The following GLRA2 variants were observed in gnomAD, a reference collection of about 807,000 sequenced individuals.
GLRA2 encodes glycine receptor alpha 2.
In GLRA2, 11 loss-of-function variants were observed where a neutral mutation model predicts 31.6. That is an observed-to-expected ratio of 0.35 (90% CI 0.22 to 0.58). GLRA2 has a LOEUF of 0.58. Among genes scored for constraint, GLRA2 ranks in the 20% least tolerant of loss-of-function variants. The pLI is 0.84. For synonymous variants in GLRA2, 132 were observed against 134.0 expected, an observed-to-expected ratio of 0.99 and a Z score of 0.10; for missense variants, 212 against 351.8, an observed-to-expected ratio of 0.60 and a Z score of 3.18.
chrX:14,729,806 CTGAATGAA>C (rs756622037), intron 8 of GLRA2, among the ~76,000 whole-genome samples: 2 of 111,096 alleles, frequency 1.8e-5, no homozygotes, highest in Non-Finnish European at 3.8e-5. Flanking sequence ...TAAATGTTTT[CTGAATGAA>C]TGAATGAATG....
At chrX:14,606,089 A>G (rs1256800530) in intron 5 of GLRA2, among the ~76,000 whole-genome samples, 1 of 106,751 alleles carries the variant, frequency 9.4e-6, no homozygotes, top group Non-Finnish European at 1.9e-5. Context: ...TAAACTTGCC[A>G]TTGATTTCTG....
At chrX:14,543,332 AAT>A (rs780448206) in intron 2 of GLRA2, among the ~76,000 whole-genome samples, 15 of 108,377 alleles carry the variant, frequency 1.4e-4, no homozygotes, top group African/African-American at 5.0e-4. Context: ...AGTCTAAATT[AAT>A]ATCTTTGGGT....
Position 14,730,950 on chromosome X carries a change from A to AC in GLRA2, c.*465_*466insC, listed in dbSNP as rs1569528367. 5 of 96,529 alleles carry AC rather than the reference A, an allele frequency of 5.2e-5. No homozygotes were observed. The highest frequency in any genetic ancestry group is 2.1e-4 in the African/African-American group (5 of 23,700). The allele number at this position is 96,529 out of a possible 1,213,427, so 8.0% of individuals were successfully genotyped here. Reference sequence around the variant, plus strand: ...CACACACACACACACACACACACACAAACTTCAAAAATGCTTAACCATCTG... The same window carrying AC: ...CACACACACACACACACACACACACACAACTTCAAAAATGCTTAACCATCTG... On this transcript the variant is annotated 3_prime_UTR_variant, in exon 9 of 9. Transcript: ENST00000218075.
intron 2 of GLRA2, among the ~76,000 whole-genome samples, chrX:14,569,976 C>T (rs1457096937): frequency 1.8e-5 from 2 of 112,068 alleles, no homozygotes; most frequent in African/African-American, 6.5e-5. Context: ...AAATATTATG[C>T]TATAAAAGAA....
At chrX:14,707,079 G>A (rs952459576) in intron 8 of GLRA2, among the ~76,000 whole-genome samples, 14 of 111,628 alleles carry the variant, frequency 1.3e-4, no homozygotes, top group Non-Finnish European at 2.3e-4. Context: ...TCCCAGCCAA[G>A]TACCCTATCC....
At chrX:14,543,289 T>G (rs73452637) in intron 2 of GLRA2, among the ~76,000 whole-genome samples, 39 of 105,333 alleles carry the variant, frequency 3.7e-4, no homozygotes, top group Non-Finnish European at 6.1e-4. Flanking sequence ...TCTCTCTACT[T>G]CACTTCTAAC....
rs537489513 is a variant in GLRA2 at position 14,622,244 on chromosome X, T to G, written c.930+13039T>G. ...TTCTTGTAAATTTGTTTAAGTTTTT[T>G]GTAGATTCTGTATATTAGAACTTAG... On this transcript the variant is annotated intron_variant, in intron 7 of 8. Coordinates refer to ENST00000218075, the MANE Select transcript of GLRA2 (RefSeq NM_002063.4). Among the ~76,000 whole-genome samples the G allele has an allele frequency of 5.3e-5, 6 of 112,324 alleles. No individual in the cohort carries two copies. The South Asian group carries it at 1.5e-3, about 28-fold the overall frequency.
At chrX:14,587,997 C>G (rs2090100437) in intron 4 of GLRA2, among the ~76,000 whole-genome samples, 1 of 108,861 alleles carries the variant, frequency 9.2e-6, no homozygotes, top group African/African-American at 3.4e-5. Flanking sequence ...CAACTCCATT[C>G]CTGGGTTCAA....
chrX:14,643,053 G>A (rs188171200), intron 7 of GLRA2, among the ~76,000 whole-genome samples: 4 of 111,768 alleles, frequency 3.6e-5, no homozygotes, highest in East Asian at 5.6e-4. Flanking sequence ...TGAAAATAGC[G>A]GTAACCACAG....
intron 2 of GLRA2, among the ~76,000 whole-genome samples, chrX:14,557,263 C>G (rs1464087380): frequency 1.9e-5 from 2 of 107,151 alleles, no homozygotes; most frequent in African/African-American, 6.8e-5. Context: ...CTACAGGCGC[C>G]CACCACCACG....
chrX:14,488,844 G>A, the GLRA2 span, among the ~76,000 whole-genome samples: 1 of 111,509 alleles, frequency 9.0e-6, no homozygotes, highest in Non-Finnish European at 1.9e-5. Flanking sequence ...TCAACAAAAA[G>A]CTCTCCTTTC....
At chrX:14,503,483 G>C in the GLRA2 span, among the ~76,000 whole-genome samples, 6 of 111,579 alleles carry the variant, frequency 5.4e-5, no homozygotes, top group Admixed American at 5.7e-4. Flanking sequence ...GCATGTTTTT[G>C]TGTGTCCTCT....
chrX:14,511,096 A>G, the GLRA2 span, among the ~76,000 whole-genome samples: 2 of 111,579 alleles, frequency 1.8e-5, no homozygotes, highest in African/African-American at 6.5e-5. Context: ...ATAAATAGAA[A>G]AGCTTATTTT....
At chrX:14,686,525 C>G (rs1294996592) in intron 7 of GLRA2, among the ~76,000 whole-genome samples, 2 of 111,706 alleles carry the variant, frequency 1.8e-5, no homozygotes, top group African/African-American at 6.5e-5. Context: ...ATCTTTAGGA[C>G]ACTTAGCTCT....
At chrX:14,552,686 G>A (rs372413858) in intron 2 of GLRA2, among the ~76,000 whole-genome samples, 2 of 111,938 alleles carry the variant, frequency 1.8e-5, no homozygotes, top group African/African-American at 6.5e-5. Flanking sequence ...TACCCCAAAA[G>A]ACTCTTAGTA....
At chrX:14,501,197 A>G in the GLRA2 span, among the ~76,000 whole-genome samples, 4 of 111,330 alleles carry the variant, frequency 3.6e-5, no homozygotes, top group South Asian at 3.8e-4. Flanking sequence ...CTATCACTCA[A>G]CCATATTTTG....
intron 4 of GLRA2, among the ~76,000 whole-genome samples, chrX:14,589,304 A>G (rs1030040908): frequency 9.1e-6 from 1 of 110,175 alleles, no homozygotes; most frequent in African/African-American, 3.3e-5. Flanking sequence ...GAATTTTATC[A>G]AAAGATTTTT....
chrX:14,730,483 T>C lies in GLRA2; in HGVS notation c.1357T>C (p.Ter453GlnextTer33). Residue 453 changes from the stop codon to glutamine, a stop_lost, in exon 9 of 9, where the codon TAG (stop) becomes CAG (glutamine). Coordinates refer to ENST00000218075, the MANE Select transcript of GLRA2 (RefSeq NM_002063.4). Reference sequence around the variant, plus strand: ...TCGGCATGAAGATGTCCACAAGAAATAGATGTGCCCTACAGACCCTGGGAC... The same window carrying C: ...TCGGCATGAAGATGTCCACAAGAAACAGATGTGCCCTACAGACCCTGGGAC... Reference protein sequence around the residue: ...IIRHEDVHKK* With the variant: ...IIRHEDVHKKQ 8.4e-7 allele frequency: 1 copy of C among 1,194,674 alleles called. No individual in the cohort carries two copies. Among genetic ancestry groups the C allele is most frequent in the Non-Finnish European group, 1.1e-6 (1 of 882,116 alleles).
At chrX:14,723,370 C>A (rs1023255947) in intron 8 of GLRA2, among the ~76,000 whole-genome samples, 1 of 112,034 alleles carries the variant, frequency 8.9e-6, no homozygotes, top group African/African-American at 3.2e-5. Flanking sequence ...TCTACCTATA[C>A]CACCACCCAT....
Sources: allele counts gnomAD v4.1 joint callset (sites outside exome capture counted in the v4.1 genomes callset), GRCh38; gene constraint gnomAD v4.1.1; transcripts MANE v1.5; gene names NCBI Gene and HGNC (gene_info 2026-07-23, HGNC 2026-07-21).